The following WNK2 variants were observed in gnomAD, a reference collection of about 807,000 sequenced individuals.
The protein encoded by WNK2 is serine/threonine-protein kinase WNK2.
WNK2 carries 67 observed loss-of-function variants against 192.1 expected under a neutral mutation model. That is an observed-to-expected ratio of 0.35 (90% CI 0.29 to 0.43). The LOEUF (loss-of-function observed/expected upper bound fraction) is 0.43, where lower values mean the gene tolerates loss of function less well. Among genes scored for constraint, WNK2 ranks in the 20% least tolerant of loss-of-function variants. WNK2 has a pLI of 1.00. For synonymous variants in WNK2, 1,439 were observed against 1,393.9 expected (o/e 1.03, Z -0.72); for missense variants, 2,698 against 3,089.7 (o/e 0.87, Z 3.01).
intron 2 of WNK2, among the ~76,000 whole-genome samples, chr9:93,225,613 C>A (rs1023569748): frequency 7.9e-5 from 12 of 152,162 alleles, no homozygotes; most frequent in African/African-American, 2.9e-4. Flanking sequence ...CCCTACTTCC[C>A]GTTTTTTCTT....
rs757373762 is a variant in WNK2 at position 93,297,944 on chromosome 9, G to T, written c.5800G>T (p.Val1934Leu). ...CCTGGGCAAGCCACTGCCCCCCAAC[G>T]TGGGCTTCTTCCACACGGCACCCCC... is the stretch of plus-strand genomic sequence containing the variant. ...RRLGKPLPPN[V>L]GFFHTAPPTG... The change falls in exon 24 of 30, where the codon GTG becomes TTG. Residue 1934 changes from valine (V) to leucine (L), a missense_variant. Val to Leu is a conservative substitution (Grantham distance 32). This residue lies in a region of WNK2 where 1,098 missense variants were observed against 1,101.0 expected (regional missense o/e 1.00). Transcript: ENST00000427277. 11 of 1,586,936 alleles carry T rather than the reference G, an allele frequency of 6.9e-6. No homozygotes were observed. The African/African-American group carries it at 1.3e-4, about 19-fold the overall frequency.
intron 2 of WNK2, among the ~76,000 whole-genome samples, chr9:93,207,850 AG>A (rs58154222): frequency 0.03 from 4,612 of 152,316 alleles, 84 homozygotes; most frequent in Non-Finnish European, 0.043. Flanking sequence ...AGGAAAAAAA[AG>A]AATTCCTGTG....
intron 2 of WNK2, among the ~76,000 whole-genome samples, chr9:93,214,836 A>C (rs912903400): frequency 6.6e-6 from 1 of 151,400 alleles, no homozygotes; most frequent in African/African-American, 2.4e-5. Flanking sequence ...CACTTCTTGA[A>C]TCTATGGGTG....
chr9:93,210,438 G>A (rs1283562857), intron 2 of WNK2, among the ~76,000 whole-genome samples: 2 of 152,192 alleles, frequency 1.3e-5, no homozygotes, highest in East Asian at 3.9e-4. Flanking sequence ...GGCTGTCAGG[G>A]GAGCGAGTGG....
Position 93,308,386 on chromosome 9 carries a change from C to A in WNK2, c.6318C>A (p.His2106Gln). 1 of 1,572,492 alleles carries A rather than the reference C, an allele frequency of 6.4e-7. No homozygotes were observed. The highest frequency in any genetic ancestry group is 1.2e-5 in the South Asian group (1 of 85,340). Residue 2106 changes from histidine to glutamine, a missense_variant, in exon 28 of 30, where the codon CAC (histidine) becomes CAA (glutamine). His to Gln is a conservative substitution (Grantham distance 24). Coordinates refer to ENST00000427277, the MANE Select transcript of WNK2 (RefSeq NM_006648.4). ...GPEPGPQPALHVQAQVNNSNN... is the reference protein window; with the variant it reads ...GPEPGPQPALQVQAQVNNSNN... ...AGCCAGGCCCCCAGCCCGCCCTGCACGTCCAGGCGCAGGTGAACAACAGCA... is the reference window on the plus strand; with the variant it reads ...AGCCAGGCCCCCAGCCCGCCCTGCAAGTCCAGGCGCAGGTGAACAACAGCA...
chr9:93,258,391 T>C (rs561255196), intron 11 of WNK2, among the ~76,000 whole-genome samples: 2 of 152,352 alleles, frequency 1.3e-5, no homozygotes, highest in East Asian at 3.9e-4. Flanking sequence ...TTGCTTTCTC[T>C]GAGAACCCTC....
Position 93,263,724 on chromosome 9 carries a change from C to T in WNK2, c.3569C>T (p.Thr1190Ile). The T allele has an allele frequency of 6.6e-7, 1 of 1,505,092 alleles. No individual in the cohort carries two copies. The highest frequency in any genetic ancestry group is 8.8e-7 in the Non-Finnish European group (1 of 1,131,176). The allele number at this position is 1,505,092 out of a possible 1,614,324, so 93.2% of individuals were successfully genotyped here. A position where few individuals can be genotyped will look rare whatever the true frequency, so the allele number is the denominator to read the frequency against. Residue 1190 changes from threonine (T) to isoleucine (I), a missense_variant, in exon 15 of 30, where the codon ACC becomes ATC. Thr to Ile is a moderately conservative substitution (Grantham distance 89). This residue lies in a region of WNK2 where 893 missense variants were observed against 909.0 expected (regional missense o/e 0.98). Coordinates refer to ENST00000427277, the MANE Select transcript of WNK2 (RefSeq NM_006648.4). ...RQERASRPRLTILNVCNTGDK... is the reference protein window; with the variant it reads ...RQERASRPRLIILNVCNTGDK... ...GAGAGGGCCAGCCGGCCCCGGCTTA[C>T]CATCTTGAACGTGAGTGGGCGGGGC... is the stretch of plus-strand genomic sequence containing the variant.
rs752044446 is a variant in WNK2 at position 93,263,745 on chromosome 9, G to A, written c.3579+11G>A. On this transcript the variant is annotated intron_variant, in intron 15 of 29. Transcript: ENST00000427277. ...CTTACCATCTTGAACGTGAGTGGGC[G>A]GGGCGTGGCGGGGGTGTGGTGGGGG... is the stretch of plus-strand genomic sequence containing the variant. The A allele has an allele frequency of 1.0e-4, 146 of 1,452,584 alleles. No individual in the cohort carries two copies. The highest frequency in any genetic ancestry group is 3.8e-5 in the Non-Finnish European group (42 of 1,103,058). The allele number at this position is 1,452,584 out of a possible 1,614,324, so 90.0% of individuals were successfully genotyped here.
chr9:93,306,899 C>T (rs1852663710), intron 27 of WNK2, 78 bp downstream of exon 27: 9 of 1,597,646 alleles, frequency 5.6e-6, no homozygotes, highest in East Asian at 4.5e-5. Context: ...TCAGGGTTCC[C>T]GCGGCCGGGC....
At chr9:93,217,659 A>G (rs1056722176) in intron 2 of WNK2, among the ~76,000 whole-genome samples, 1 of 152,160 alleles carries the variant, frequency 6.6e-6, no homozygotes, top group African/African-American at 2.4e-5. Flanking sequence ...CCCTGATCTC[A>G]TGCTGCTGGG....
intron 16 of WNK2, among the ~76,000 whole-genome samples, chr9:93,266,333 G>A (rs908676001): frequency 1.3e-5 from 2 of 152,166 alleles, no homozygotes; most frequent in Non-Finnish European, 2.9e-5. Flanking sequence ...TAGTAAAGGT[G>A]GAACTGCAGA....
rs1349110156 is a variant in WNK2 at position 93,247,895 on chromosome 9, C to T, written c.1834+61C>T. On this transcript the variant is annotated intron_variant, in intron 8 of 29. Coordinates refer to ENST00000427277, the MANE Select transcript of WNK2 (RefSeq NM_006648.4). The surrounding 1 kb of genome is among the most constrained non-coding windows in gnomAD (Gnocchi z 5.2). ...CTCCCACCTACCCTGCAAAAACCAG[C>T]TATTGGGCAAAGAAAAATGAAGTCC... The T allele has an allele frequency of 5.6e-5, 83 of 1,486,362 alleles. No individual in the cohort carries two copies. In the South Asian group the frequency reaches 1.0e-3, roughly 18 times the overall value. 92.1% of individuals were successfully genotyped at this position (1,486,362 alleles called of 1,614,324 possible).
intron 7 of WNK2, among the ~76,000 whole-genome samples, chr9:93,242,670 T>A (rs936940014): frequency 6.6e-6 from 1 of 152,236 alleles, no homozygotes; most frequent in Non-Finnish European, 1.5e-5. Context: ...GGCACCTGGC[T>A]GGCCGCTCAG....
rs747440664 is a variant in WNK2 at position 93,259,474 on chromosome 9, C to A, written c.2926C>A (p.Pro976Thr). The A allele has an allele frequency of 6.7e-7, 1 of 1,500,346 alleles. No homozygotes were observed. The highest frequency in any genetic ancestry group is 1.2e-5 in the South Asian group (1 of 80,810). The allele number at this position is 1,500,346 out of a possible 1,614,324, so 92.9% of individuals were successfully genotyped here. The change falls in exon 12 of 30, where the codon CCT (proline) becomes ACT (threonine). Residue 976 changes from proline (P) to threonine (T), a missense_variant. Physicochemically the swap from Pro to Thr is conservative, Grantham distance 38. This residue lies in a region of WNK2 where 893 missense variants were observed against 909.0 expected (regional missense o/e 0.98). Coordinates refer to ENST00000427277, the MANE Select transcript of WNK2 (RefSeq NM_006648.4). The surrounding 1 kb of genome is among the most constrained non-coding windows in gnomAD (Gnocchi z 4.8). ...PVLPPQPTRP[P>T]QPVLPPQPML... The stretch of plus-strand genomic sequence containing the variant: ...GTTGCCCCCGCAACCCACACGGCCC[C>A]CTCAACCTGTGCTGCCCCCGCAACC...
intron 19 of WNK2, among the ~76,000 whole-genome samples, chr9:93,286,823 T>C (rs532121148): frequency 6.6e-6 from 1 of 152,228 alleles, no homozygotes; most frequent in Non-Finnish European, 1.5e-5. Flanking sequence ...GAGTACTGTT[T>C]AACCACAAAA....
At position 93,320,535 on chromosome 9, in the gene WNK2, G is replaced by A. The variant is rs558734174; in HGVS notation, c.*143G>A. On this transcript the variant is annotated 3_prime_UTR_variant, in exon 30 of 30. Coordinates refer to ENST00000427277, the MANE Select transcript of WNK2 (RefSeq NM_006648.4). The stretch of plus-strand genomic sequence containing the variant: ...TTTATTCACAATTGGAAACACAAAT[G>A]TAATGCAAGAATAAAAAATATTTTG... 22 of 889,958 alleles carry A rather than the reference G, an allele frequency of 2.5e-5. No individual in the cohort carries two copies. In the South Asian group the frequency reaches 2.7e-4, roughly 11 times the overall value. The allele number at this position is 889,958 out of a possible 1,614,324, so 55.1% of individuals were successfully genotyped here. A position where few individuals can be genotyped will look rare whatever the true frequency, so the allele number is the denominator to read the frequency against.
intron 7 of WNK2, among the ~76,000 whole-genome samples, chr9:93,246,224 C>A (rs1161604747): frequency 3.9e-5 from 6 of 152,198 alleles, no homozygotes; most frequent in African/African-American, 1.4e-4. Flanking sequence ...GCTCCCGTGC[C>A]GTTTTGCACG....
At chr9:93,205,540 C>A (rs1833199786) in intron 2 of WNK2, among the ~76,000 whole-genome samples, 2 of 152,184 alleles carry the variant, frequency 1.3e-5, no homozygotes, top group South Asian at 4.1e-4. Context: ...CTGTGCCTGG[C>A]CCCCACTCTG....
Position 93,259,974 on chromosome 9 carries a change from G to A in WNK2, c.3066+360G>A, listed in dbSNP as rs1048633231. Among the ~76,000 whole-genome samples, 1 of 152,166 alleles carries A rather than the reference G, an allele frequency of 6.6e-6. No homozygotes were observed. Among genetic ancestry groups the A allele is most frequent in the Non-Finnish European group, 1.5e-5 (1 of 68,032 alleles). The stretch of plus-strand genomic sequence containing the variant: ...GTTGGGGCACAGGTTGTCTGTCTGA[G>A]GTCCACCCTTCAAAGAGCATCTTGT... On this transcript the variant is annotated intron_variant, in intron 12 of 29. Coordinates refer to ENST00000427277, the MANE Select transcript of WNK2 (RefSeq NM_006648.4). This position sits in a 1 kb window ranked among gnomAD's most constrained non-coding sequence, Gnocchi z 4.8.
Sources: allele counts gnomAD v4.1 joint callset (sites outside exome capture counted in the v4.1 genomes callset), GRCh38; gene constraint gnomAD v4.1.1; regional missense constraint gnomAD v4.1.1; non-coding constraint Gnocchi (gnomAD v3.1); transcripts MANE v1.5; gene names NCBI Gene and HGNC (gene_info 2026-07-23, HGNC 2026-07-21).